The following RIOX2 variants were observed in gnomAD, a reference collection of about 807,000 sequenced individuals.
RIOX2 encodes ribosomal oxygenase 2.
RIOX2 carries 43 observed loss-of-function variants against 51.2 expected under a neutral mutation model. The ratio of observed to expected loss-of-function variants is 0.84; its 90% confidence interval spans 0.66 to 1.08. The LOEUF (loss-of-function observed/expected upper bound fraction) is 1.08, where lower values mean the gene tolerates loss of function less well. RIOX2 is among the 50% of genes least tolerant of loss of function. RIOX2 has a pLI of 0.00. For synonymous variants in RIOX2, 226 were observed against 218.5 expected (o/e 1.03, Z -0.30); for missense variants, 566 against 561.7 (o/e 1.01, Z -0.08).
At chr3:97,964,710 A>G (rs1705813070) in intron 2 of RIOX2, among the ~76,000 whole-genome samples, 1 of 147,580 alleles carries the variant, frequency 6.8e-6, no homozygotes, top group East Asian at 2.0e-4. Flanking sequence ...AAAAAAAAAA[A>G]AAAAAAAAAA....
chr3:97,968,208 TG>T (rs2107199839), intron 1 of RIOX2, among the ~76,000 whole-genome samples: 1 of 152,244 alleles, frequency 6.6e-6, no homozygotes, highest in South Asian at 2.1e-4. Flanking sequence ...TGCCTTCTCC[TG>T]TCTCCACTAA....
At chr3:97,961,803 T>C (rs1362588671) in intron 2 of RIOX2, 95 bp from the exon 3 acceptor site, 1 of 1,327,600 alleles carries the variant, frequency 7.5e-7, no homozygotes, top group Non-Finnish European at 1.0e-6. Flanking sequence ...ACTTAGGAAG[T>C]CTTTACTGCA....
At chr3:97,958,320 G>A (rs1389016966) in intron 4 of RIOX2, among the ~76,000 whole-genome samples, 1 of 152,168 alleles carries the variant, frequency 6.6e-6, no homozygotes, top group East Asian at 1.9e-4. Flanking sequence ...TAAGTTACAT[G>A]TTTTAAGAAA....
intron 2 of RIOX2, among the ~76,000 whole-genome samples, chr3:97,963,133 T>C (rs550551955): frequency 1.3e-5 from 2 of 152,294 alleles, no homozygotes; most frequent in South Asian, 2.1e-4. Flanking sequence ...AAAAGACTTT[T>C]TTAAGACATG....
At chr3:97,968,239 T>C (rs549646744) in intron 1 of RIOX2, among the ~76,000 whole-genome samples, 1 of 152,186 alleles carries the variant, frequency 6.6e-6, no homozygotes, top group African/African-American at 2.4e-5. Context: ...CCTGCTCACT[T>C]CCAACTCTGA....
intron 1 of RIOX2, among the ~76,000 whole-genome samples, chr3:97,968,221 C>T (rs1404447557): frequency 6.6e-6 from 1 of 152,136 alleles, no homozygotes; most frequent in East Asian, 1.9e-4. Context: ...CTCCACTAAC[C>T]ACCTGAACCT....
At chr3:97,947,337 A>G (rs1246821581) in intron 8 of RIOX2, 24 bp downstream of exon 8, 1 of 1,518,920 alleles carries the variant, frequency 6.6e-7, no homozygotes. Context: ...GAAGACAGGA[A>G]ATCTCCTCCT....
chr3:97,962,816 G>A (rs1394421611), intron 2 of RIOX2, among the ~76,000 whole-genome samples: 1 of 152,180 alleles, frequency 6.6e-6, no homozygotes, highest in South Asian at 2.1e-4. Flanking sequence ...GGAAACTGAG[G>A]CATGAGACCA....
intron 8 of RIOX2, among the ~76,000 whole-genome samples, 165 bp from the exon 9 acceptor site, chr3:97,946,052 C>T (rs1045947253): frequency 4.6e-5 from 7 of 152,018 alleles, no homozygotes; most frequent in African/African-American, 1.4e-4. Context: ...CAAAAAGTGA[C>T]GGGTGTGTGC....
At position 97,943,476 on chromosome 3, in the gene RIOX2, G is replaced by T; in HGVS notation, c.*1708C>A. ...CTCTGAGACTATCGCTCTTAACCAT[G>T]GAAAAGCTCAAAATATTCTTGCCAT... On this transcript the variant is annotated 3_prime_UTR_variant, in exon 10 of 10. Transcript: ENST00000394198. The T allele has an allele frequency of 1.7e-6, 1 of 577,458 alleles. No homozygotes were observed. Among genetic ancestry groups the T allele is most frequent in the Non-Finnish European group, 3.0e-6 (1 of 332,086 alleles). 35.8% of individuals were successfully genotyped at this position (577,458 alleles called of 1,614,324 possible). A position where few individuals can be genotyped will look rare whatever the true frequency, so the allele number is the denominator to read the frequency against.
At chr3:97,957,924 C>G (rs1241969361) in intron 4 of RIOX2, among the ~76,000 whole-genome samples, 1 of 152,162 alleles carries the variant, frequency 6.6e-6, no homozygotes, top group African/African-American at 2.4e-5. Context: ...AGTATGAACA[C>G]AGGACATTAA....
At chr3:97,945,766 AGGAT>A (rs1465234839) in intron 9 of RIOX2, 28 bp downstream of exon 9, 1 of 1,492,544 alleles carries the variant, frequency 6.7e-7, no homozygotes, top group East Asian at 2.3e-5. Context: ...CCCAAGTCAC[AGGAT>A]AGGCATTTGT....
chr3:97,945,984 T>A, intron 8 of RIOX2, 97 bp from the exon 9 acceptor site: 1 of 798,192 alleles, frequency 1.3e-6, no homozygotes, highest in Non-Finnish European at 2.0e-6. Context: ...CCAAAAAAAA[T>A]TTCAAAAGCC....
rs1216199164 is a variant in RIOX2 at position 97,972,416 on chromosome 3, T to C, written c.-75A>G. 6.7e-6 allele frequency: 1 copy of C among 150,372 alleles called. No individual in the cohort carries two copies. The highest frequency in any genetic ancestry group is 1.5e-5 in the Non-Finnish European group (1 of 67,508). The allele number at this position is 150,372 out of a possible 1,614,324, so 9.3% of individuals were successfully genotyped here. A position where few individuals can be genotyped will look rare whatever the true frequency, so the allele number is the denominator to read the frequency against. On this transcript the variant is annotated 5_prime_UTR_variant, in exon 1 of 10. Coordinates refer to ENST00000394198, the MANE Select transcript of RIOX2 (RefSeq NM_153182.4). ...CTGTTGCTCGCGGCCGCGAGCCCACTGCGTTGCGGCGCAGCGGCTGGAGGC... is the reference window on the plus strand; with the variant it reads ...CTGTTGCTCGCGGCCGCGAGCCCACCGCGTTGCGGCGCAGCGGCTGGAGGC...
Position 97,942,526 on chromosome 3 carries a change from CT to C in RIOX2, c.*2657del. On this transcript the variant is annotated 3_prime_UTR_variant, in exon 10 of 10. Transcript: ENST00000394198. ...CTCCTCATTTTGGGTAAAGGACATCCTTATGTATAAGAGAAATGTTAAGTCA... is the reference window on the plus strand; with the variant it reads ...CTCCTCATTTTGGGTAAAGGACATCCTATGTATAAGAGAAATGTTAAGTCA... 8.2e-7 allele frequency: 1 copy of C among 1,215,260 alleles called. No individual in the cohort carries two copies. Among genetic ancestry groups the C allele is most frequent in the Non-Finnish European group, 1.1e-6 (1 of 883,890 alleles). The allele number at this position is 1,215,260 out of a possible 1,614,324, so 75.3% of individuals were successfully genotyped here.
At chr3:97,960,091 G>A (rs1348884652) in intron 3 of RIOX2, among the ~76,000 whole-genome samples, 2 of 152,178 alleles carry the variant, frequency 1.3e-5, no homozygotes, top group Non-Finnish European at 2.9e-5. Flanking sequence ...CAGTTCTTGT[G>A]TATTTTTCAT....
Position 97,967,391 on chromosome 3 carries a change from C to G in RIOX2, c.203G>C (p.Arg68Thr), listed in dbSNP as rs753943122. Reference protein sequence around the residue: ...FWEQKPLLIQRDDPALATYYG... With the variant: ...FWEQKPLLIQTDDPALATYYG... ...GTATGTGGCCAGTGCAGGGTCATCT[C>G]TCTGAATGAGAAGGGGCTTCTGCTC... is the stretch of plus-strand genomic sequence containing the variant. Residue 68 changes from arginine to threonine, a missense_variant, in exon 2 of 10, where the codon AGA (arginine) becomes ACA (threonine). Arg to Thr is a moderately conservative substitution (Grantham distance 71). Coordinates refer to ENST00000394198, the MANE Select transcript of RIOX2 (RefSeq NM_153182.4). The G allele has an allele frequency of 5.0e-6, 8 of 1,614,190 alleles. No individual in the cohort carries two copies. In the East Asian group the frequency reaches 1.6e-4, roughly 31 times the overall value.
chr3:97,967,485 T>G lies in RIOX2; in HGVS notation c.109A>C (p.Ser37Arg). 1 of 1,614,208 alleles carries G rather than the reference T, an allele frequency of 6.2e-7. No homozygotes were observed. Residue 37 changes from serine (S) to arginine (R), a missense_variant, in exon 2 of 10, where the codon AGT (serine) becomes CGT (arginine). Ser to Arg is a moderately radical substitution (Grantham distance 110). Coordinates refer to ENST00000394198, the MANE Select transcript of RIOX2 (RefSeq NM_153182.4). Reference protein sequence around the residue: ...AGGPSALNFDSPSSLFESLIS... With the variant: ...AGGPSALNFDRPSSLFESLIS... ...AAACTTTCAAAGAGACTACTGGGAC[T>G]GTCAAAGTTTAAAGCTGAAGGCCCC...
At chr3:97,960,258 A>G (rs557548063) in intron 3 of RIOX2, among the ~76,000 whole-genome samples, 1 of 152,156 alleles carries the variant, frequency 6.6e-6, no homozygotes, top group South Asian at 2.1e-4. Context: ...TAAGGCCTGC[A>G]GCTGTGGCTA....
Sources: gnomAD v4.1 joint callset for allele counts (sites outside exome capture counted in the v4.1 genomes callset) on GRCh38, gnomAD v4.1.1 for gene constraint, MANE v1.5 for transcripts, NCBI Gene and HGNC (gene_info 2026-07-23, HGNC 2026-07-21) for gene names.